SYK: variants seen among roughly 807,000 people sequenced by gnomAD.
SYK encodes the protein tyrosine-protein kinase SYK.
SYK carries 16 observed loss-of-function variants against 77.8 expected under a neutral mutation model. That is an observed-to-expected ratio of 0.21 (90% CI 0.14 to 0.31). The LOEUF is 0.31. SYK is among the 10% of genes least tolerant of loss of function. SYK has a pLI of 1.00. For synonymous variants in SYK, 312 were observed against 308.7 expected, an observed-to-expected ratio of 1.01 and a Z score of -0.11; for missense variants, 529 against 814.4, an observed-to-expected ratio of 0.65 and a Z score of 4.26.
Position 90,854,215 on chromosome 9 carries a change from TGA to T in SYK, c.579-7984_579-7983del, listed in dbSNP as rs1362429628. 1.8e-4 allele frequency among the ~76,000 whole-genome samples: 27 copies of T among 152,260 alleles called. No individual in the cohort carries two copies. In the East Asian group the frequency reaches 4.4e-3, roughly 25 times the overall value. On this transcript the variant is annotated intron_variant, in intron 3 of 13. Coordinates refer to ENST00000375754, the MANE Select transcript of SYK (RefSeq NM_003177.7). ...TGCCCCAGGCCACACCATGAGGTGT[TGA>T]GAGAGATCCTGGCTGCTCAGCTGCC...
intron 1 of SYK, among the ~76,000 whole-genome samples, chr9:90,830,878 C>T (rs928701964): frequency 3.6e-4 from 55 of 152,186 alleles, no homozygotes; most frequent in African/African-American, 1.2e-3. Flanking sequence ...AGCCACCACA[C>T]CCGGCCTCCT....
chr9:90,845,440 G>T lies in SYK; in HGVS notation c.424G>T (p.Ala142Ser). 1 of 1,613,924 alleles carries T rather than the reference G, an allele frequency of 6.2e-7. No homozygotes were observed. The highest frequency in any genetic ancestry group is 1.3e-5 in the African/African-American group (1 of 75,022). The change falls in exon 3 of 14, where the codon GCT becomes TCT. Residue 142 changes from alanine to serine, a missense_variant. Around this residue, in one of 2 missense-constraint regions of SYK, gnomAD observed 321 missense variants for 433.1 expected, o/e 0.74. Transcript: ENST00000375754. ...TTTGCTCTCCATGTGGCAGGGTCAG[G>T]CTCTGGAGCAGGCCATCATCAGTCA... ...VKQTWNLQGQ[A>S]LEQAIISQKP...
At chr9:90,802,871 TA>T (rs1358769318) in intron 1 of SYK, among the ~76,000 whole-genome samples, 1 of 112,880 alleles carries the variant, frequency 8.9e-6, no homozygotes. Context: ...GTATTAAAAA[TA>T]AAAAAAGGAA....
At chr9:90,857,294 G>A (rs897569901) in intron 3 of SYK, among the ~76,000 whole-genome samples, 6 of 152,162 alleles carry the variant, frequency 3.9e-5, no homozygotes, top group African/African-American at 1.2e-4. Context: ...TGCAGACCTA[G>A]GTCATCATAA....
At chr9:90,854,103 T>C (rs1826927548) in intron 3 of SYK, among the ~76,000 whole-genome samples, 1 of 152,002 alleles carries the variant, frequency 6.6e-6, no homozygotes, top group Non-Finnish European at 1.5e-5. Context: ...CTGAGACCAT[T>C]TTGGTGCCCT....
intron 1 of SYK, among the ~76,000 whole-genome samples, chr9:90,814,801 C>T (rs181101642): frequency 6.6e-6 from 1 of 151,414 alleles, no homozygotes; most frequent in East Asian, 2.0e-4. Flanking sequence ...ATCCCCAAGG[C>T]TGTAACATTC....
At chr9:90,806,550 G>T (rs1824843471) in intron 1 of SYK, among the ~76,000 whole-genome samples, 1 of 152,060 alleles carries the variant, frequency 6.6e-6, no homozygotes, top group Admixed American at 6.6e-5. Context: ...GGGAATATTT[G>T]TTGACTAAAT....
chr9:90,843,684 G>A (rs1410367363), intron 1 of SYK, among the ~76,000 whole-genome samples, 174 bp from the exon 2 acceptor site: 1 of 152,228 alleles, frequency 6.6e-6, no homozygotes, highest in Non-Finnish European at 1.5e-5. Context: ...GCTGAAAACT[G>A]TAATGATGAT....
chr9:90,880,710 T>C (rs939720452), intron 11 of SYK, among the ~76,000 whole-genome samples: 1 of 152,234 alleles, frequency 6.6e-6, no homozygotes, highest in Non-Finnish European at 1.5e-5. Context: ...GGTGTTGGTT[T>C]CCCTGCCGTC....
chr9:90,864,779 G>GT lies in SYK; in HGVS notation c.796+114dup, dbSNP rs771337691. The stretch of plus-strand genomic sequence containing the variant: ...GTTGGATGAGGACTTCTTTTTACGG[G>GT]TTGATTAATAATGATATCAGAGCAC... On this transcript the variant is annotated intron_variant, in intron 5 of 13. Transcript: ENST00000375754. 4 of 916,028 alleles carry GT rather than the reference G, an allele frequency of 4.4e-6. No homozygotes were observed. In the Admixed American group the frequency reaches 8.4e-5, roughly 19 times the overall value. 56.7% of individuals were successfully genotyped at this position (916,028 alleles called of 1,614,324 possible). A position where few individuals can be genotyped will look rare whatever the true frequency, so the allele number is the denominator to read the frequency against.
intron 3 of SYK, among the ~76,000 whole-genome samples, chr9:90,846,274 G>A (rs897813684): frequency 3.9e-5 from 6 of 152,228 alleles, no homozygotes; most frequent in African/African-American, 1.2e-4. Context: ...GTCTGGTCAA[G>A]GTGGCTCAGT....
chr9:90,818,154 G>T (rs1825365390), intron 1 of SYK, among the ~76,000 whole-genome samples: 1 of 152,154 alleles, frequency 6.6e-6, no homozygotes, highest in African/African-American at 2.4e-5. Context: ...CAGGATCGGG[G>T]TGCCCACTGG....
intron 8 of SYK, 69 bp from the exon 9 acceptor site, chr9:90,874,603 T>G: frequency 1.3e-6 from 2 of 1,507,510 alleles, no homozygotes; most frequent in Non-Finnish European, 1.8e-6. Context: ...ATGAAGATCA[T>G]GTTCTTGGAA....
chr9:90,841,221 T>C (rs1284787338), intron 1 of SYK, among the ~76,000 whole-genome samples: 2 of 151,670 alleles, frequency 1.3e-5, no homozygotes, highest in African/African-American at 4.8e-5. Context: ...GTGTGTTGTG[T>C]GTCGTGTGTA....
chr9:90,875,721 A>G (rs1827901161), intron 9 of SYK, among the ~76,000 whole-genome samples: 1 of 152,252 alleles, frequency 6.6e-6, no homozygotes, highest in South Asian at 2.1e-4. Flanking sequence ...ATTATACAAC[A>G]GTTAAAATTG....
At position 90,862,352 on chromosome 9, in the gene SYK, G is replaced by C. The variant is rs1279994919; in HGVS notation, c.717+8G>C. 14 of 1,612,618 alleles carry C rather than the reference G, an allele frequency of 8.7e-6. No homozygotes were observed. The highest frequency in any genetic ancestry group is 1.3e-5 in the African/African-American group (1 of 74,928). On this transcript the variant is annotated splice_region_variant and intron_variant, in intron 4 of 13. Coordinates refer to ENST00000375754, the MANE Select transcript of SYK (RefSeq NM_003177.7). ...TTCGACACGCTCTGGCAGGTACCCA[G>C]CCTCCTCTCCCCACCTTGTGGGTAG...
chr9:90,874,555 C>A, intron 8 of SYK, 117 bp from the exon 9 acceptor site: 1 of 1,297,192 alleles, frequency 7.7e-7, no homozygotes, highest in Non-Finnish European at 1.1e-6. Flanking sequence ...AATTTCTCAT[C>A]CCTTGCAACA....
At chr9:90,887,405 CT>C (rs3056951) in intron 11 of SYK, among the ~76,000 whole-genome samples, 120 of 128,928 alleles carry the variant, frequency 9.3e-4, no homozygotes, top group East Asian at 4.4e-3. Context: ...TTCTTTCTTT[CT>C]TTTTTTTTTT....
intron 1 of SYK, among the ~76,000 whole-genome samples, chr9:90,827,022 C>G (rs1825686662): frequency 1.3e-5 from 2 of 151,938 alleles, no homozygotes; most frequent in Non-Finnish European, 2.9e-5. Context: ...AAGATCTTTT[C>G]AAGGATGCTC....
Sources: gnomAD v4.1 joint callset for allele counts (sites outside exome capture counted in the v4.1 genomes callset) on GRCh38, gnomAD v4.1.1 for gene constraint, gnomAD v4.1.1 regional missense constraint, MANE v1.5 for transcripts, NCBI Gene and HGNC (gene_info 2026-07-23, HGNC 2026-07-21) for gene names.